SEMA6D: variants seen among roughly 807,000 people sequenced by gnomAD.
SEMA6D encodes semaphorin-6D.
A neutral mutation model predicts 106.6 loss-of-function variants in SEMA6D; 35 were observed. The ratio of observed to expected loss-of-function variants is 0.33; its 90% CI spans 0.25 to 0.44. The LOEUF is 0.44. Ranked by LOEUF, SEMA6D falls within the 20% of genes least tolerant of loss-of-function variation. SEMA6D has a pLI of 1.00. For synonymous variants in SEMA6D, 499 were observed against 487.7 expected (o/e 1.02, Z -0.31); for missense variants, 1,185 against 1,345.9 (o/e 0.88, Z 1.87).
intron 1 of SEMA6D, among the ~76,000 whole-genome samples, chr15:47,326,664 G>A (rs1437514566): frequency 1.3e-5 from 2 of 152,190 alleles, no homozygotes; most frequent in African/African-American, 4.8e-5. Flanking sequence ...TCAGAATGTG[G>A]AAATCAAGTT....
intron 1 of SEMA6D, among the ~76,000 whole-genome samples, chr15:47,389,518 C>T (rs1455484312): frequency 3.3e-5 from 5 of 151,954 alleles, no homozygotes; most frequent in Admixed American, 2.0e-4. Flanking sequence ...ATCTAAAATA[C>T]ACAAAACTTT....
chr15:47,642,828 C>T (rs1270075736), intron 4 of SEMA6D, among the ~76,000 whole-genome samples: 5 of 151,980 alleles, frequency 3.3e-5, no homozygotes, highest in African/African-American at 1.2e-4. Flanking sequence ...TACTGTGAAC[C>T]ACTTCAAATA....
intron 4 of SEMA6D, among the ~76,000 whole-genome samples, chr15:47,702,190 C>A (rs2078825871): frequency 6.6e-6 from 1 of 152,090 alleles, no homozygotes; most frequent in Admixed American, 6.6e-5. Flanking sequence ...CCATTCCTTG[C>A]CCCTCAGAAA....
intron 4 of SEMA6D, among the ~76,000 whole-genome samples, chr15:47,681,803 G>C (rs1271938238): frequency 6.6e-6 from 1 of 152,152 alleles, no homozygotes; most frequent in Non-Finnish European, 1.5e-5. Context: ...GAAATAAAAA[G>C]TAGATGTATT....
intron 1 of SEMA6D, among the ~76,000 whole-genome samples, chr15:47,249,269 A>G (rs1056983137): frequency 1.3e-5 from 2 of 152,058 alleles, no homozygotes; most frequent in Non-Finnish European, 2.9e-5. Flanking sequence ...AAACCAGTGG[A>G]CTAGCTGTGC....
chr15:47,678,896 T>G (rs983238354), intron 4 of SEMA6D, among the ~76,000 whole-genome samples: 11 of 152,240 alleles, frequency 7.2e-5, no homozygotes, highest in African/African-American at 2.6e-4. Flanking sequence ...ATGGATAAAC[T>G]GAGGTAGAGA....
intron 1 of SEMA6D, among the ~76,000 whole-genome samples, chr15:47,340,832 C>G (rs1010771698): frequency 2.0e-5 from 3 of 152,064 alleles, no homozygotes; most frequent in African/African-American, 7.2e-5. Context: ...CTGGTGTTTC[C>G]TGATGAAATT....
At chr15:47,217,335 C>G (rs2030717724) in intron 1 of SEMA6D, among the ~76,000 whole-genome samples, 1 of 152,044 alleles carries the variant, frequency 6.6e-6, no homozygotes, top group African/African-American at 2.4e-5. Context: ...CAGGATTTAC[C>G]CCAGTAACAC....
At chr15:47,708,813 T>C (rs2078962121) in intron 4 of SEMA6D, among the ~76,000 whole-genome samples, 1 of 152,194 alleles carries the variant, frequency 6.6e-6, no homozygotes, top group Admixed American at 6.5e-5. Context: ...CAGACTTAGA[T>C]TCAGAAGACC....
At chr15:47,276,037 C>T (rs1016851346) in intron 1 of SEMA6D, among the ~76,000 whole-genome samples, 2 of 152,116 alleles carry the variant, frequency 1.3e-5, no homozygotes, top group African/African-American at 2.4e-5. Context: ...TCCCTTGAAC[C>T]AGAATCAAAT....
intron 3 of SEMA6D, among the ~76,000 whole-genome samples, chr15:47,475,656 A>T (rs545979189): frequency 1.3e-5 from 2 of 152,330 alleles, no homozygotes; most frequent in African/African-American, 4.8e-5. Flanking sequence ...AAGCTGAAAG[A>T]GAGGAAAGTT....
chr15:47,528,128 T>C (rs929072988), intron 3 of SEMA6D, among the ~76,000 whole-genome samples: 3 of 152,210 alleles, frequency 2.0e-5, no homozygotes, highest in Admixed American at 2.0e-4. Flanking sequence ...ATCCTGAGTC[T>C]CTGTTTTAAA....
chr15:47,235,307 A>AT (rs930759480), intron 1 of SEMA6D, among the ~76,000 whole-genome samples: 12 of 151,694 alleles, frequency 7.9e-5, no homozygotes, highest in African/African-American at 1.4e-4. Flanking sequence ...TACTCTGATG[A>AT]TTTTTTTTAT....
chr15:47,227,358 T>C (rs897306266), intron 1 of SEMA6D, among the ~76,000 whole-genome samples: 11 of 151,792 alleles, frequency 7.2e-5, no homozygotes, highest in Admixed American at 7.2e-4. Context: ...TGATTTGTGA[T>C]GTGTCTCTTC....
intron 1 of SEMA6D, among the ~76,000 whole-genome samples, chr15:47,216,865 C>G (rs2030668696): frequency 6.6e-6 from 1 of 152,136 alleles, no homozygotes; most frequent in Non-Finnish European, 1.5e-5. Flanking sequence ...GCTAATACTT[C>G]TCATTGGTTA....
At chr15:47,300,375 A>G (rs2035973025) in intron 1 of SEMA6D, among the ~76,000 whole-genome samples, 2 of 151,440 alleles carry the variant, frequency 1.3e-5, no homozygotes, top group African/African-American at 4.9e-5. Context: ...AATGCAGTCA[A>G]GTTAAAACAC....
chr15:47,724,651 G>A (rs1020928596), intron 1 of SEMA6D, among the ~76,000 whole-genome samples: 1 of 152,024 alleles, frequency 6.6e-6, no homozygotes, highest in African/African-American at 2.4e-5. Flanking sequence ...GTGGGGTGGG[G>A]GTGAGGGTCT....
chr15:47,515,448 A>C (rs2044358863), intron 3 of SEMA6D, among the ~76,000 whole-genome samples: 1 of 152,224 alleles, frequency 6.6e-6, no homozygotes, highest in African/African-American at 2.4e-5. Flanking sequence ...GAAGTGCCTA[A>C]AATCACCTTT....
At chr15:47,487,893 T>G (rs1325328285) in intron 3 of SEMA6D, among the ~76,000 whole-genome samples, 3 of 152,194 alleles carry the variant, frequency 2.0e-5, no homozygotes, top group African/African-American at 4.8e-5. Context: ...TTTTCTTTTA[T>G]ATATGCAGCT....
Sources: gnomAD v4.1 joint callset for allele counts (sites outside exome capture counted in the v4.1 genomes callset) on GRCh38, gnomAD v4.1.1 for gene constraint, MANE v1.5 for transcripts, NCBI Gene and HGNC (gene_info 2026-07-23, HGNC 2026-07-21) for gene names.